Variants in DPP6 observed in about 807,000 individuals in gnomAD.
DPP6 encodes the protein A-type potassium channel modulatory protein DPP6.
DPP6 carries 69 observed loss-of-function variants against 122.6 expected under a neutral mutation model. The observed-to-expected ratio is 0.56, with a 90% CI of 0.46 to 0.69. DPP6 has a LOEUF of 0.69. DPP6 is among the 30% of genes least tolerant of loss of function. DPP6 has a pLI of 0.00. For missense variants in DPP6, 928 were observed against 1,116.9 expected, an observed-to-expected ratio of 0.83 and a Z score of 2.41; for synonymous variants, 418 against 433.1, an observed-to-expected ratio of 0.97 and a Z score of 0.43.
intron 1 of DPP6, among the ~76,000 whole-genome samples, chr7:154,017,007 A>T (rs1466898176): frequency 6.6e-6 from 1 of 152,240 alleles, no homozygotes; most frequent in Admixed American, 6.5e-5. Context: ...AGTGGGTACA[A>T]ACGTGCAGTT....
intron 7 of DPP6, among the ~76,000 whole-genome samples, chr7:154,724,725 C>A (rs1841984751): frequency 6.6e-6 from 1 of 151,898 alleles, no homozygotes; most frequent in African/African-American, 2.4e-5. Context: ...AGTTGTCAGA[C>A]CCCTAGAGAC....
chr7:153,916,921 T>C (rs985251132), intron 1 of DPP6, among the ~76,000 whole-genome samples: 3 of 152,204 alleles, frequency 2.0e-5, no homozygotes, highest in African/African-American at 7.2e-5. Flanking sequence ...TCCAACATGA[T>C]TGTTGTGTGT....
At chr7:154,601,826 TC>T (rs1833419157) in intron 5 of DPP6, among the ~76,000 whole-genome samples, 1 of 120,968 alleles carries the variant, frequency 8.3e-6, no homozygotes. Context: ...TTTTTGTACT[TC>T]CAAAGTAGTT....
chr7:154,794,311 C>A (rs558937533), intron 11 of DPP6, 109 bp downstream of exon 11: 1 of 1,371,316 alleles, frequency 7.3e-7, no homozygotes, highest in Non-Finnish European at 9.5e-7. Flanking sequence ...ACTTGGGGAC[C>A]GGCCGCCCAG....
At chr7:154,279,722 G>C (rs995435506) in intron 1 of DPP6, among the ~76,000 whole-genome samples, 4 of 152,180 alleles carry the variant, frequency 2.6e-5, no homozygotes, top group Non-Finnish European at 5.9e-5. Flanking sequence ...TAACTTAATC[G>C]TACTGTGGAT....
At chr7:154,040,997 A>G (rs1214588666) in intron 1 of DPP6, among the ~76,000 whole-genome samples, 1 of 152,128 alleles carries the variant, frequency 6.6e-6, no homozygotes, top group East Asian at 1.9e-4. Flanking sequence ...TTTCAACACA[A>G]CTTAAGTATA....
chr7:153,888,453 C>T (rs187144260), intron 1 of DPP6, among the ~76,000 whole-genome samples: 41 of 152,294 alleles, frequency 2.7e-4, no homozygotes, highest in Non-Finnish European at 4.9e-4. Flanking sequence ...CGATCCGCCT[C>T]CCCAGCGAGC....
the DPP6 span, among the ~76,000 whole-genome samples, chr7:153,862,553 G>A: frequency 6.6e-6 from 1 of 152,142 alleles, no homozygotes; most frequent in Non-Finnish European, 1.5e-5. Flanking sequence ...TCTAGTTTTT[G>A]TTTTGTTTTA....
At chr7:154,859,585 T>A (rs1442919522) in intron 17 of DPP6, among the ~76,000 whole-genome samples, 1 of 152,232 alleles carries the variant, frequency 6.6e-6, no homozygotes, top group African/African-American at 2.4e-5. Context: ...TGGGAATATT[T>A]GACTTTTTTC....
intron 1 of DPP6, among the ~76,000 whole-genome samples, chr7:154,363,110 A>G (rs1416745536): frequency 6.6e-6 from 1 of 152,110 alleles, no homozygotes; most frequent in Non-Finnish European, 1.5e-5. Context: ...GGGTTTCCAA[A>G]GCTCTCCCAG....
intron 1 of DPP6, among the ~76,000 whole-genome samples, chr7:154,079,823 C>G (rs1803861715): frequency 6.6e-6 from 1 of 151,892 alleles, no homozygotes; most frequent in African/African-American, 2.4e-5. Context: ...TTGCCCCGCT[C>G]TGCTCTAGTA....
intron 1 of DPP6, among the ~76,000 whole-genome samples, chr7:153,966,941 C>T (rs1795773370): frequency 6.6e-6 from 1 of 151,350 alleles, no homozygotes; most frequent in Non-Finnish European, 1.5e-5. Flanking sequence ...GTGTCATCTG[C>T]CTGTAGTCCC....
chr7:154,733,269 A>C (rs1482091570), intron 8 of DPP6, among the ~76,000 whole-genome samples: 1 of 152,234 alleles, frequency 6.6e-6, no homozygotes, highest in Admixed American at 6.5e-5. Flanking sequence ...GTTGGAACTC[A>C]GAATGCTCTC....
rs893867804 is a variant in DPP6, at chr7:154,486,968, G to T, written c.457+11931G>T. Among the ~76,000 whole-genome samples, 1 of 152,166 alleles carries T rather than the reference G, an allele frequency of 6.6e-6. No individual in the cohort carries two copies. Among genetic ancestry groups the T allele is most frequent in the Admixed American group, 6.5e-5 (1 of 15,276 alleles). ...ACTGGGCCAACTTGCTTCCTGCAGA[G>T]ATACATGTTCAGACTCTACTAATTA... On this transcript the variant is annotated intron_variant, in intron 3 of 25. Coordinates refer to ENST00000377770, the MANE Select transcript of DPP6 (RefSeq NM_130797.4). The surrounding 1 kb of genome is among the most constrained non-coding windows in gnomAD (Gnocchi z 4.5).
intron 1 of DPP6, among the ~76,000 whole-genome samples, chr7:154,060,640 G>C (rs1297088182): frequency 6.7e-6 from 1 of 148,366 alleles, no homozygotes; most frequent in South Asian, 2.2e-4. Flanking sequence ...TCGCAGGAGG[G>C]GGAGGCACCC....
chr7:154,632,216 C>A (rs532612344), intron 5 of DPP6, among the ~76,000 whole-genome samples: 1 of 152,304 alleles, frequency 6.6e-6, no homozygotes, highest in Non-Finnish European at 1.5e-5. Context: ...TTATAATTCA[C>A]AATGTGCAGA....
intron 4 of DPP6, among the ~76,000 whole-genome samples, chr7:154,545,054 C>T (rs553137156): frequency 7.2e-5 from 11 of 152,348 alleles, no homozygotes; most frequent in African/African-American, 2.4e-4. Context: ...CTGGTAATTA[C>T]AGCAAGAGGC....
At chr7:154,532,897 G>A (rs987722669) in intron 3 of DPP6, among the ~76,000 whole-genome samples, 8 of 152,130 alleles carry the variant, frequency 5.3e-5, no homozygotes, top group Non-Finnish European at 1.0e-4. Context: ...CTCCCCTAAA[G>A]CAGGTCATGC....
chr7:154,545,880 T>A (rs1290257707), intron 4 of DPP6, among the ~76,000 whole-genome samples: 5 of 152,194 alleles, frequency 3.3e-5, no homozygotes, highest in African/African-American at 9.6e-5. Flanking sequence ...ATAGGCCCTT[T>A]TTATTGACAA....
Sources: allele counts gnomAD v4.1 joint callset (sites outside exome capture counted in the v4.1 genomes callset), GRCh38; gene constraint gnomAD v4.1.1; non-coding constraint Gnocchi (gnomAD v3.1); transcripts MANE v1.5; gene names NCBI Gene and HGNC (gene_info 2026-07-23, HGNC 2026-07-21).